TRPC5: variants seen among roughly 807,000 people sequenced by gnomAD.
The protein encoded by TRPC5 is short transient receptor potential channel 5.
TRPC5 carries 9 observed loss-of-function variants against 56.5 expected under a neutral mutation model. That is an observed-to-expected ratio of 0.16 (90% CI 0.10 to 0.28). The LOEUF (loss-of-function observed/expected upper bound fraction) is 0.28. Among genes scored for constraint, TRPC5 ranks in the 10% least tolerant of loss-of-function variants. The probability of loss-of-function intolerance (pLI) is 1.00; values close to 1 mark genes in which losing one functional copy is unlikely to be tolerated. For missense variants in TRPC5, 469 were observed against 748.9 expected, an observed-to-expected ratio of 0.63 and a Z score of 4.36; for synonymous variants, 282 against 278.5, an observed-to-expected ratio of 1.01 and a Z score of -0.13.
At chrX:112,020,775 T>A (rs778131836) in intron 1 of TRPC5, among the ~76,000 whole-genome samples, 5 of 111,536 alleles carry the variant, frequency 4.5e-5, no homozygotes, top group Admixed American at 9.6e-5. Flanking sequence ...CAGATCCCTG[T>A]CAAATCAGCT....
rs1247012726 is a variant in TRPC5, at chrX:111,853,633, AACAAAGGACTACC to A, written c.1237+124_1237+136del. On this transcript the variant is annotated intron_variant, in intron 4 of 10. Coordinates refer to ENST00000262839, the MANE Select transcript of TRPC5 (RefSeq NM_012471.3). ...AAGGAACTACATTTCTGAGACTCTC[AACAAAGGACTACC>A]ACACTGCATGGGGGTGGGGTGGGGG... The A allele has an allele frequency of 1.1e-4, 63 of 552,233 alleles. No homozygotes were observed. In the East Asian group the frequency reaches 2.0e-3, roughly 17 times the overall value. 45.5% of individuals were successfully genotyped at this position (552,233 alleles called of 1,213,427 possible).
intron 1 of TRPC5, among the ~76,000 whole-genome samples, chrX:112,030,396 C>A (rs1456879716): frequency 8.9e-6 from 1 of 112,331 alleles, no homozygotes; most frequent in Non-Finnish European, 1.9e-5. Context: ...GAACCAACAT[C>A]TTTCTCAACC....
At chrX:111,876,562 T>C (rs1310204458) in intron 3 of TRPC5, among the ~76,000 whole-genome samples, 1 of 111,594 alleles carries the variant, frequency 9.0e-6, no homozygotes, top group Non-Finnish European at 1.9e-5. Flanking sequence ...CAGAGGTAAT[T>C]AGGGAGTAGG....
chrX:111,881,014 C>T (rs190533795), intron 3 of TRPC5, among the ~76,000 whole-genome samples: 1 of 111,889 alleles, frequency 8.9e-6, no homozygotes, highest in African/African-American at 3.2e-5. Context: ...TACTGCAATT[C>T]TAGTGCATTG....
intron 7 of TRPC5, among the ~76,000 whole-genome samples, chrX:111,790,548 A>G (rs947806977): frequency 6.3e-5 from 7 of 111,406 alleles, no homozygotes; most frequent in African/African-American, 2.3e-4. Context: ...CCCTAGAACT[A>G]TAAGTATCAT....
chrX:112,000,977 T>C (rs1045223113), intron 1 of TRPC5, among the ~76,000 whole-genome samples: 2 of 112,359 alleles, frequency 1.8e-5, no homozygotes, highest in East Asian at 5.6e-4. Context: ...CATGGTGCTA[T>C]GACACAACAT....
At chrX:111,874,840 G>A (rs749072897) in intron 3 of TRPC5, among the ~76,000 whole-genome samples, 1 of 112,506 alleles carries the variant, frequency 8.9e-6, no homozygotes, top group Non-Finnish European at 1.9e-5. Context: ...ATTACCTGTG[G>A]TTGCTTTTAT....
At chrX:111,829,487 A>C (rs1423246527) in intron 7 of TRPC5, among the ~76,000 whole-genome samples, 1 of 111,729 alleles carries the variant, frequency 9.0e-6, no homozygotes, top group Non-Finnish European at 1.9e-5. Context: ...AGAGACCTTC[A>C]CAGAAGCCCC....
chrX:112,074,709 A>G (rs781663889), intron 1 of TRPC5, among the ~76,000 whole-genome samples: 1 of 110,913 alleles, frequency 9.0e-6, no homozygotes, highest in African/African-American at 3.3e-5. Flanking sequence ...CCATCATCCC[A>G]CTCACTTCTG....
At chrX:111,941,783 C>T (rs748323308) in intron 2 of TRPC5, among the ~76,000 whole-genome samples, 6 of 111,842 alleles carry the variant, frequency 5.4e-5, no homozygotes, top group Admixed American at 9.5e-5. Flanking sequence ...GCTCTAGTCT[C>T]AAGATAGTGC....
At chrX:111,853,185 C>T (rs1284512650) in intron 4 of TRPC5, among the ~76,000 whole-genome samples, 4 of 111,177 alleles carry the variant, frequency 3.6e-5, no homozygotes, top group African/African-American at 1.3e-4. Flanking sequence ...GGTTTGGGGA[C>T]CACAGTTTGA....
At chrX:111,945,980 G>A (rs1398064975) in intron 2 of TRPC5, among the ~76,000 whole-genome samples, 1 of 112,517 alleles carries the variant, frequency 8.9e-6, no homozygotes, top group East Asian at 2.8e-4. Context: ...TGGCTCCCAA[G>A]TAAACAAATT....
At chrX:111,971,231 T>C (rs763409597) in intron 1 of TRPC5, among the ~76,000 whole-genome samples, 33 of 111,614 alleles carry the variant, frequency 3.0e-4, no homozygotes, top group African/African-American at 1.1e-3. Context: ...TTAGAGACTA[T>C]TGGGTTAGAT....
At chrX:111,858,932 T>C (rs1923317141) in intron 3 of TRPC5, among the ~76,000 whole-genome samples, 1 of 111,629 alleles carries the variant, frequency 9.0e-6, no homozygotes, top group Non-Finnish European at 1.9e-5. Flanking sequence ...GAGATGATGG[T>C]GGTCCTGCTC....
intron 7 of TRPC5, among the ~76,000 whole-genome samples, chrX:111,819,821 C>A (rs759715442): frequency 9.0e-6 from 1 of 111,642 alleles, no homozygotes; most frequent in African/African-American, 3.3e-5. Context: ...TTCCCTCTCA[C>A]CTACTTCCTT....
intron 1 of TRPC5, among the ~76,000 whole-genome samples, chrX:112,014,214 C>T (rs1050302942): frequency 2.7e-5 from 3 of 111,938 alleles, no homozygotes; most frequent in Non-Finnish European, 5.6e-5. Flanking sequence ...TACTTAACCT[C>T]GTTCCTCTTT....
chrX:111,972,050 A>G (rs149810815), intron 1 of TRPC5, among the ~76,000 whole-genome samples: 150 of 111,411 alleles, frequency 1.3e-3, no homozygotes, highest in African/African-American at 4.5e-3. Context: ...TGGATTAAAT[A>G]CTGATATGAA....
intron 1 of TRPC5, among the ~76,000 whole-genome samples, chrX:111,987,932 A>G (rs746326991): frequency 1.8e-5 from 2 of 112,676 alleles, no homozygotes; most frequent in South Asian, 7.2e-4. Context: ...TGTTAATGTC[A>G]TCCAGAAATA....
At chrX:112,011,584 G>A (rs767097985) in intron 1 of TRPC5, among the ~76,000 whole-genome samples, 1 of 111,760 alleles carries the variant, frequency 8.9e-6, no homozygotes, top group South Asian at 3.8e-4. Flanking sequence ...CTCCCCAGTG[G>A]GGGGCTTTGG....
Sources: allele counts gnomAD v4.1 joint callset (sites outside exome capture counted in the v4.1 genomes callset), GRCh38; gene constraint gnomAD v4.1.1; transcripts MANE v1.5; gene names NCBI Gene and HGNC (gene_info 2026-07-23, HGNC 2026-07-21).